The following MBD5 variants were observed in gnomAD, a reference collection of about 807,000 sequenced individuals.
MBD5 encodes methyl-CpG-binding domain protein 5.
In MBD5, 13 loss-of-function variants were observed where a neutral mutation model predicts 117.3. The ratio of observed to expected loss-of-function variants is 0.11; its 90% CI spans 0.07 to 0.18. The LOEUF is 0.18. Among genes scored for constraint, MBD5 ranks in the 10% least tolerant of loss-of-function variants. The pLI is 1.00. For missense variants in MBD5, 1,879 were observed against 2,093.8 expected, an observed-to-expected ratio of 0.90 and a Z score of 2.00; for synonymous variants, 727 against 766.4, an observed-to-expected ratio of 0.95 and a Z score of 0.85.
At chr2:148,322,707 C>G (rs1389917458) in intron 3 of MBD5, among the ~76,000 whole-genome samples, 1 of 152,120 alleles carries the variant, frequency 6.6e-6, no homozygotes, top group Non-Finnish European at 1.5e-5. Flanking sequence ...TTTGAACACA[C>G]ATGTTAGTTT....
In MBD5 at chr2:148,282,907, C is replaced by T. The variant is rs1052599394; in HGVS notation, c.-680+49512C>T. On this transcript the variant is annotated intron_variant, in intron 3 of 13. Coordinates refer to ENST00000642680, the MANE Select transcript of MBD5 (RefSeq NM_001378120.1). ...ACTTTTAAGACTTAACCGCCCCCCC[C>T]CATCAGATGCAATTATTAGTTGTCT... Among the ~76,000 whole-genome samples, 3 of 133,224 alleles carry T rather than the reference C, an allele frequency of 2.3e-5. No individual in the cohort carries two copies. The South Asian group carries it at 8.3e-4, about 37-fold the overall frequency. The allele number at this position is 133,224 out of a possible 152,430, so 87.4% of individuals were successfully genotyped here. A position where few individuals can be genotyped will look rare whatever the true frequency, so the allele number is the denominator to read the frequency against.
chr2:148,449,208 T>A (rs1706654197), intron 4 of MBD5, among the ~76,000 whole-genome samples: 1 of 152,076 alleles, frequency 6.6e-6, no homozygotes, highest in Admixed American at 6.6e-5. Context: ...ATTGTTCACT[T>A]TTTTGGCTTT....
At chr2:148,302,804 T>C (rs578096775) in intron 3 of MBD5, among the ~76,000 whole-genome samples, 2 of 151,796 alleles carry the variant, frequency 1.3e-5, no homozygotes, top group Non-Finnish European at 2.9e-5. Context: ...TAATTTTTTT[T>C]TTATTTTTTT....
At chr2:148,207,497 C>A (rs1331083667) in intron 2 of MBD5, among the ~76,000 whole-genome samples, 1 of 150,736 alleles carries the variant, frequency 6.6e-6, no homozygotes, top group African/African-American at 2.4e-5. Context: ...GTTACAACAC[C>A]ACTAGACTTG....
intron 4 of MBD5, among the ~76,000 whole-genome samples, chr2:148,446,363 C>G (rs1706525465): frequency 6.6e-6 from 1 of 151,766 alleles, no homozygotes; most frequent in Non-Finnish European, 1.5e-5. Flanking sequence ...CCTAGTTTTT[C>G]TAATAATGAT....
chr2:148,337,008 C>T (rs559602330), intron 3 of MBD5, among the ~76,000 whole-genome samples: 32 of 152,162 alleles, frequency 2.1e-4, no homozygotes, highest in Non-Finnish European at 4.6e-4. Flanking sequence ...TTGCACCCCT[C>T]GCATGATGGA....
intron 10 of MBD5, among the ~76,000 whole-genome samples, chr2:148,488,732 T>C (rs1409652830): frequency 6.6e-6 from 1 of 152,142 alleles, no homozygotes; most frequent in African/African-American, 2.4e-5. Context: ...ACTGGAATTC[T>C]GATATGCTCC....
intron 3 of MBD5, among the ~76,000 whole-genome samples, chr2:148,316,716 T>C (rs1702165839): frequency 6.6e-6 from 1 of 151,990 alleles, no homozygotes; most frequent in African/African-American, 2.4e-5. Context: ...GATGAACAAA[T>C]TAAAAAAATG....
intron 1 of MBD5, among the ~76,000 whole-genome samples, chr2:148,073,048 A>G (rs542119734): frequency 2.6e-4 from 39 of 147,732 alleles, no homozygotes; most frequent in Non-Finnish European, 4.7e-4. Flanking sequence ...CCCCACCACC[A>G]TAGAACTGGC....
At chr2:148,358,947 C>G (rs1410142479) in intron 4 of MBD5, among the ~76,000 whole-genome samples, 1 of 151,906 alleles carries the variant, frequency 6.6e-6, no homozygotes, top group Non-Finnish European at 1.5e-5. Context: ...AGCTTTATAC[C>G]AGCCTTGGAC....
At chr2:148,163,426 C>CT (rs970585529) in intron 1 of MBD5, among the ~76,000 whole-genome samples, 25 of 149,894 alleles carry the variant, frequency 1.7e-4, no homozygotes, top group Admixed American at 2.7e-4. Flanking sequence ...AATTAAATAA[C>CT]TTTTTTTTTT....
intron 4 of MBD5, among the ~76,000 whole-genome samples, chr2:148,441,729 A>G (rs1014097599): frequency 2.0e-4 from 30 of 151,828 alleles, no homozygotes; most frequent in Admixed American, 3.9e-4. Context: ...CCAACAGTGT[A>G]AAAGTGTTCC....
chr2:148,215,688 A>ATT (rs66589231), intron 2 of MBD5, among the ~76,000 whole-genome samples: 2 of 132,022 alleles, frequency 1.5e-5, no homozygotes, highest in African/African-American at 5.7e-5. Flanking sequence ...TGCCCGGCTA[A>ATT]TTTTTTTTTT....
chr2:148,339,723 C>A (rs181808791), intron 3 of MBD5, among the ~76,000 whole-genome samples: 1 of 152,150 alleles, frequency 6.6e-6, no homozygotes, highest in Non-Finnish European at 1.5e-5. Flanking sequence ...TGACGATCAC[C>A]ATTTTGGTCA....
At chr2:148,133,860 A>G (rs1159220883) in intron 1 of MBD5, among the ~76,000 whole-genome samples, 1 of 152,110 alleles carries the variant, frequency 6.6e-6, no homozygotes, top group Non-Finnish European at 1.5e-5. Context: ...AAATAAAACC[A>G]TACTATTTTC....
chr2:148,146,390 C>A (rs1385958978), intron 1 of MBD5, among the ~76,000 whole-genome samples: 2 of 152,022 alleles, frequency 1.3e-5, no homozygotes, highest in African/African-American at 4.8e-5. Context: ...GCACCACACA[C>A]CTGGCTAATT....
chr2:148,237,962 G>A (rs559082344), intron 3 of MBD5, among the ~76,000 whole-genome samples: 132 of 152,190 alleles, frequency 8.7e-4, no homozygotes, highest in Non-Finnish European at 1.2e-3. Context: ...TAATATAACT[G>A]TGAGGATTAA....
chr2:148,180,405 T>C (rs922052501), intron 2 of MBD5, among the ~76,000 whole-genome samples: 1 of 143,838 alleles, frequency 7.0e-6, no homozygotes, highest in Non-Finnish European at 1.5e-5. Flanking sequence ...TCTCTTTAAG[T>C]TGCTCAGACT....
Position 148,470,323 on chromosome 2 carries a change from G to A in MBD5, c.2380G>A (p.Gly794Arg), listed in dbSNP as rs2105642407. 2 of 1,613,948 alleles carry A rather than the reference G, an allele frequency of 1.2e-6. No homozygotes were observed. Among genetic ancestry groups the A allele is most frequent in the Non-Finnish European group, 1.7e-6 (2 of 1,179,902 alleles). The change falls in exon 8 of 14, where the codon GGG becomes AGG. Residue 794 changes from glycine to arginine, a missense_variant. By Grantham distance (125) the Gly-to-Arg change is moderately radical (BLOSUM62 -2). Transcript: ENST00000642680. ...TCAGATTCAGGCTAGCGGGAACTGT[G>A]GGATGCTCAGTCAGTCGGGCATGGC... ...INQIQASGNC[G>R]MLSQSGMALG...
Sources: allele counts gnomAD v4.1 joint callset (sites outside exome capture counted in the v4.1 genomes callset), GRCh38; gene constraint gnomAD v4.1.1; transcripts MANE v1.5; gene names NCBI Gene and HGNC (gene_info 2026-07-23, HGNC 2026-07-21).